Variants in KCP observed in about 807,000 individuals in gnomAD.
KCP encodes the protein kielin cysteine rich BMP regulator.
A neutral mutation model predicts 212.7 loss-of-function variants in KCP; 194 were observed. That is an observed-to-expected ratio of 0.91 (90% CI 0.81 to 1.03). The LOEUF (loss-of-function observed/expected upper bound fraction) is 1.03. Ranked by LOEUF, KCP falls within the 50% of genes least tolerant of loss-of-function variation. The probability of loss-of-function intolerance (pLI) is 0.00; values close to 1 mark genes in which losing one functional copy is unlikely to be tolerated. For synonymous variants in KCP, 833 were observed against 865.3 expected, an observed-to-expected ratio of 0.96 and a Z score of 0.65; for missense variants, 2,080 against 2,162.5, an observed-to-expected ratio of 0.96 and a Z score of 0.76.
chr7:128,908,247 GAAAGAAGA>G (rs1258991587), intron 2 of KCP, among the ~76,000 whole-genome samples, 171 bp downstream of exon 2: 53 of 87,206 alleles, frequency 6.1e-4, no homozygotes, highest in East Asian at 2.5e-3. Context: ...AAGGAAGAAA[GAAAGAAGA>G]AAGAAAGAAA....
chr7:128,904,465 C>G, intron 5 of KCP: 1 of 1,017,438 alleles, frequency 9.8e-7, no homozygotes, highest in Non-Finnish European at 1.5e-6. Context: ...CTCGTCCCTT[C>G]CTGTTCCATC....
At chr7:128,902,667 A>T in intron 8 of KCP, 110 bp downstream of exon 8, 1 of 1,008,326 alleles carries the variant, frequency 9.9e-7, no homozygotes, top group Non-Finnish European at 1.5e-6. Context: ...GGTCTTCTCC[A>T]CTGGGTCCCC....
At chr7:128,882,447 C>A (rs1231535038) in intron 29 of KCP, among the ~76,000 whole-genome samples, 3 of 152,214 alleles carry the variant, frequency 2.0e-5, no homozygotes, top group Non-Finnish European at 4.4e-5. Flanking sequence ...GATTAATCCA[C>A]CTCTCTGAGC....
intron 22 of KCP, among the ~76,000 whole-genome samples, chr7:128,887,612 C>A (rs1176926696): frequency 6.7e-6 from 1 of 148,316 alleles, no homozygotes; most frequent in Non-Finnish European, 1.5e-5. Context: ...CACACCTACA[C>A]CCCCCCACAC....
intron 1 of KCP, among the ~76,000 whole-genome samples, chr7:128,909,197 C>T (rs891405026): frequency 2.6e-5 from 4 of 152,172 alleles, no homozygotes; most frequent in Non-Finnish European, 5.9e-5. Flanking sequence ...TCTCCTGCAG[C>T]CCAGAAAGTA....
At chr7:128,887,908 TACACAC>T (rs1188783295) in intron 22 of KCP, among the ~76,000 whole-genome samples, 5 of 104,874 alleles carry the variant, frequency 4.8e-5, no homozygotes, top group African/African-American at 1.5e-4. Flanking sequence ...CACATACACA[TACACAC>T]CCACACACAC....
At position 128,892,754 on chromosome 7, in the gene KCP, G is replaced by A. The variant is rs1794242486; in HGVS notation, c.1461C>T (p.Ser487=). 4 of 1,551,638 alleles carry A rather than the reference G, an allele frequency of 2.6e-6. No individual in the cohort carries two copies. The highest frequency in any genetic ancestry group is 1.2e-5 in the South Asian group (1 of 84,070). The change falls in exon 15 of 40, where the codon AGC becomes AGT. Residue 487 remains serine (S), a synonymous_variant. Coordinates refer to ENST00000610776, the MANE Select transcript of KCP (RefSeq NM_001366122.1). ...AGTTCTGCCCATTGGCATACACTTG[G>A]CTGTGGTAGGTGCAGCTGTCACAGC... ...CPSCDSCTYH[S]QVYANGQNFT... is the part of the protein sequence containing the mutation.
intron 37 of KCP, 103 bp from the exon 38 acceptor site, chr7:128,878,825 T>G (rs1793146868): frequency 1.7e-6 from 2 of 1,192,776 alleles, no homozygotes; most frequent in South Asian, 3.2e-5. Flanking sequence ...CGGCCAGTGC[T>G]GTAGGGGAGG....
chr7:128,890,616 C>T, intron 20 of KCP, 103 bp from the exon 21 acceptor site: 3 of 147,358 alleles, frequency 2.0e-5, no homozygotes, highest in Non-Finnish European at 3.1e-5. Flanking sequence ...TCGTGGGGGC[C>T]GTGGGGGCTG....
chr7:128,880,595 T>TC (rs2128944394), intron 33 of KCP, 24 bp downstream of exon 33: 2 of 1,299,712 alleles, frequency 1.5e-6, no homozygotes, highest in Non-Finnish European at 2.0e-6. Context: ...GGCTTACCCC[T>TC]CCCCCATCAC....
At chr7:128,879,271 C>G (rs913214263) in intron 37 of KCP, 17 of 526,532 alleles carry the variant, frequency 3.2e-5, no homozygotes, top group African/African-American at 2.8e-4. Context: ...AAATCTGTGG[C>G]CCAGAGGAGG....
chr7:128,902,489 T>G (rs1031142227), intron 8 of KCP, among the ~76,000 whole-genome samples: 1 of 152,180 alleles, frequency 6.6e-6, no homozygotes, highest in African/African-American at 2.4e-5. Flanking sequence ...ATTCCCCTAC[T>G]CTGGAGCTTT....
rs1288726124 is a variant in KCP at position 128,891,631 on chromosome 7, A to G, written c.1795+15T>C. 4.7e-6 allele frequency: 7 copies of G among 1,480,490 alleles called. No individual in the cohort carries two copies. In the Admixed American group the frequency reaches 1.6e-4, roughly 35 times the overall value. 91.7% of individuals were successfully genotyped at this position (1,480,490 alleles called of 1,614,324 possible). On this transcript the variant is annotated intron_variant, in intron 17 of 39. Coordinates refer to ENST00000610776, the MANE Select transcript of KCP (RefSeq NM_001366122.1). ...CATCCCATCCCAGAAGGCCGCCCTGACCCGCCCACCTCACCGCTGCAGTCG... is the reference window on the plus strand; with the variant it reads ...CATCCCATCCCAGAAGGCCGCCCTGGCCCGCCCACCTCACCGCTGCAGTCG...
intron 8 of KCP, 33 bp downstream of exon 8, chr7:128,902,744 G>A (rs1794923662): frequency 5.9e-6 from 9 of 1,534,888 alleles, no homozygotes; most frequent in East Asian, 2.4e-5. Context: ...AGGGCAGGGA[G>A]GGGGACAGAC....
chr7:128,887,588 CAT>C (rs1793741506), intron 22 of KCP, among the ~76,000 whole-genome samples: 1 of 147,166 alleles, frequency 6.8e-6, no homozygotes, highest in South Asian at 2.1e-4. Flanking sequence ...CCCCTCCACA[CAT>C]ACACACACAG....
intron 9 of KCP, 33 bp from the exon 10 acceptor site, chr7:128,894,088 G>GGGGC (rs1443737324): frequency 1.9e-6 from 3 of 1,539,384 alleles, no homozygotes; most frequent in Non-Finnish European, 2.6e-6. Context: ...ATGTTCCTCA[G>GGGGC]GGGCCCCTCC....
intron 22 of KCP, among the ~76,000 whole-genome samples, chr7:128,887,562 A>G (rs1244851195): frequency 1.3e-5 from 2 of 149,582 alleles, no homozygotes; most frequent in Non-Finnish European, 3.0e-5. Context: ...ACTGTCACAT[A>G]CACACACAGC....
chr7:128,887,824 T>TACAC (rs149751415), intron 22 of KCP, among the ~76,000 whole-genome samples: 6 of 128,722 alleles, frequency 4.7e-5, no homozygotes, highest in Admixed American at 2.3e-4. Context: ...CACAGCCACA[T>TACAC]ACACACACAC....
In KCP at chr7:128,881,706, A is replaced by G; in HGVS notation, c.3344T>C (p.Ile1115Thr). The change falls in exon 31 of 40, where the codon ATC (isoleucine) becomes ACC (threonine). Residue 1115 changes from isoleucine to threonine, a missense_variant. Ile to Thr is a moderately conservative substitution (Grantham distance 89). Transcript: ENST00000610776. ...CQCQDLTWLC[I>T]HQACPELSCP... ...GCTGAGCTCAGGACAAGCCTGGTGG[A>G]TGCAGAGCCATGTCAGGTCCTGCCC... is the stretch of plus-strand genomic sequence containing the variant. The G allele has an allele frequency of 6.5e-7, 1 of 1,532,022 alleles. No homozygotes were observed. The allele number at this position is 1,532,022 out of a possible 1,614,324, so 94.9% of individuals were successfully genotyped here.
Sources: allele counts gnomAD v4.1 joint callset (sites outside exome capture counted in the v4.1 genomes callset), GRCh38; gene constraint gnomAD v4.1.1; transcripts MANE v1.5; gene names NCBI Gene and HGNC (gene_info 2026-07-23, HGNC 2026-07-21).